ABTB3: variants seen among roughly 807,000 people sequenced by gnomAD.
The protein encoded by ABTB3 is ankyrin repeat- and BTB/POZ domain-containing protein 3.
At chr12:107,646,357 C>A in the ABTB3 span, among the ~76,000 whole-genome samples, 7 of 152,300 alleles carry the variant, frequency 4.6e-5, no homozygotes, top group African/African-American at 1.2e-4. Flanking sequence ...GTCAGCAGCC[C>A]CACCTGGAAT....
the ABTB3 span, among the ~76,000 whole-genome samples, chr12:107,460,331 C>T: frequency 6.6e-6 from 1 of 152,186 alleles, no homozygotes; most frequent in Non-Finnish European, 1.5e-5. Flanking sequence ...TGAAATTATA[C>T]TGAGATTCTG....
the ABTB3 span, among the ~76,000 whole-genome samples, chr12:107,541,985 C>A: frequency 6.6e-6 from 1 of 151,800 alleles, no homozygotes; most frequent in Admixed American, 6.6e-5. Context: ...AACAACTGGG[C>A]ACCATAGCCT....
At chr12:107,638,970 C>T in the ABTB3 span, among the ~76,000 whole-genome samples, 1 of 152,168 alleles carries the variant, frequency 6.6e-6, no homozygotes, top group African/African-American at 2.4e-5. Flanking sequence ...GATGAGGCTA[C>T]AGCAGGGGTG....
the ABTB3 span, among the ~76,000 whole-genome samples, chr12:107,494,216 A>G: frequency 6.6e-6 from 1 of 152,186 alleles, no homozygotes; most frequent in East Asian, 1.9e-4. Flanking sequence ...CTTGGTTGGA[A>G]GTCAAGGAGA....
the ABTB3 span, among the ~76,000 whole-genome samples, chr12:107,600,889 C>G: frequency 6.6e-6 from 1 of 152,188 alleles, no homozygotes; most frequent in Non-Finnish European, 1.5e-5. Context: ...AGGGACCAGG[C>G]TCTAGAACAA....
At chr12:107,559,365 C>T in the ABTB3 span, among the ~76,000 whole-genome samples, 2 of 152,166 alleles carry the variant, frequency 1.3e-5, no homozygotes, top group Non-Finnish European at 2.9e-5. Context: ...GTGTCTGGGG[C>T]CAACACTCAG....
the ABTB3 span, among the ~76,000 whole-genome samples, chr12:107,609,028 A>C: frequency 1.3e-5 from 2 of 150,970 alleles, no homozygotes; most frequent in African/African-American, 4.9e-5. Flanking sequence ...CAGATAGCCC[A>C]GTGGTCATCT....
At chr12:107,620,280 G>A in the ABTB3 span, 1 of 1,316,068 alleles carries the variant, frequency 7.6e-7, no homozygotes, top group Non-Finnish European at 1.0e-6. Context: ...TACGGTCATA[G>A]CGACCAGTGG....
chr12:107,617,481 T>A, the ABTB3 span: 2 of 1,606,366 alleles, frequency 1.2e-6, no homozygotes, highest in Non-Finnish European at 1.7e-6. Flanking sequence ...GTGGTGTTTG[T>A]TAAAAATGCA....
the ABTB3 span, among the ~76,000 whole-genome samples, chr12:107,594,940 G>A: frequency 3.3e-5 from 5 of 151,956 alleles, no homozygotes; most frequent in Admixed American, 3.3e-4. Flanking sequence ...GGCTGTTGGT[G>A]GGGGGCACTC....
chr12:107,635,210 C>A, the ABTB3 span: 1 of 1,298,328 alleles, frequency 7.7e-7, no homozygotes. Context: ...CCTGGAGGGA[C>A]GCATTCCTGG....
At chr12:107,635,195 T>C in the ABTB3 span, 2 of 1,148,504 alleles carry the variant, frequency 1.7e-6, no homozygotes, top group East Asian at 4.8e-5. Flanking sequence ...TGTGAGCTCT[T>C]ATCACCTGGA....
At chr12:107,512,654 G>T in the ABTB3 span, among the ~76,000 whole-genome samples, 3 of 152,180 alleles carry the variant, frequency 2.0e-5, no homozygotes, top group Non-Finnish European at 4.4e-5. Context: ...ATGCTGAGTG[G>T]CTAAGAGATT....
At chr12:107,508,434 A>ATTTTTTTTTT in the ABTB3 span, among the ~76,000 whole-genome samples, 7 of 58,736 alleles carry the variant, frequency 1.2e-4, no homozygotes, top group East Asian at 6.0e-4. Context: ...CTCAAAGATC[A>ATTTTTTTTTT]TTTCTTTTTT....
chr12:107,629,029 GA>G, the ABTB3 span, among the ~76,000 whole-genome samples: 1 of 152,172 alleles, frequency 6.6e-6, no homozygotes, highest in South Asian at 2.1e-4. Context: ...ATCTTTTTAG[GA>G]GAAGAGTGGA....
chr12:107,430,708 T>C, the ABTB3 span, among the ~76,000 whole-genome samples: 1 of 152,202 alleles, frequency 6.6e-6, no homozygotes. Flanking sequence ...ATCTCTAGTG[T>C]TTCACCAGTA....
the ABTB3 span, among the ~76,000 whole-genome samples, chr12:107,433,715 G>A: frequency 6.6e-6 from 1 of 152,214 alleles, no homozygotes; most frequent in African/African-American, 2.4e-5. Flanking sequence ...GAGTGGGGAA[G>A]TGAGTCAAGA....
the ABTB3 span, among the ~76,000 whole-genome samples, chr12:107,370,845 T>TGA: frequency 4.7e-4 from 70 of 148,318 alleles, no homozygotes; most frequent in Non-Finnish European, 1.8e-4. Flanking sequence ...ATACCTTTGC[T>TGA]GAGCCTTGAA....
chr12:107,491,735 T>C, the ABTB3 span, among the ~76,000 whole-genome samples: 1 of 151,532 alleles, frequency 6.6e-6, no homozygotes, highest in Non-Finnish European at 1.5e-5. Flanking sequence ...AGGCACAAAA[T>C]TTGATTGAAC....
Sources: allele counts gnomAD v4.1 joint callset (sites outside exome capture counted in the v4.1 genomes callset), GRCh38; gene constraint gnomAD v4.1.1; transcripts MANE v1.5; gene names NCBI Gene and HGNC (gene_info 2026-07-23, HGNC 2026-07-21).